PLA2G4C: variants seen among roughly 807,000 people sequenced by gnomAD.
PLA2G4C encodes the protein phospholipase A2 group IVC.
PLA2G4C carries 64 observed loss-of-function variants against 73.8 expected under a neutral mutation model. The ratio of observed to expected loss-of-function variants is 0.87; its 90% CI spans 0.71 to 1.07. The LOEUF is 1.07. PLA2G4C is among the 50% of genes least tolerant of loss of function. The pLI is 0.00. For synonymous variants in PLA2G4C, 254 were observed against 252.1 expected (o/e 1.01, Z -0.07); for missense variants, 622 against 665.4 (o/e 0.93, Z 0.72).
intron 10 of PLA2G4C, among the ~76,000 whole-genome samples, chr19:48,083,935 C>A (rs1262677251): frequency 1.3e-5 from 2 of 151,978 alleles, no homozygotes; most frequent in East Asian, 3.9e-4. Context: ...AGTCACGCAT[C>A]CTTTCCATGA....
intron 4 of PLA2G4C, 90 bp downstream of exon 4, chr19:48,104,498 T>C (rs2122132617): frequency 7.8e-7 from 1 of 1,288,614 alleles, no homozygotes; most frequent in Non-Finnish European, 1.1e-6. Flanking sequence ...GAAGCAGCGT[T>C]GGAAAAAACC....
chr19:48,072,905 C>A lies in PLA2G4C; in HGVS notation c.1006+1862G>T. On this transcript the variant is annotated intron_variant, in intron 12 of 16. Transcript: ENST00000599921. The surrounding 1 kb of genome is among the most constrained non-coding windows in gnomAD (Gnocchi z 4.4). ...AGAGGTTGGATGTCTGGGGGTGAGACTGGCTGTACCTGGGTCATCTCAGGA... is the reference window on the plus strand; with the variant it reads ...AGAGGTTGGATGTCTGGGGGTGAGAATGGCTGTACCTGGGTCATCTCAGGA... 1 of 152,354 alleles carries A rather than the reference C, an allele frequency of 6.6e-6. No individual in the cohort carries two copies. Among genetic ancestry groups the A allele is most frequent in the Non-Finnish European group, 1.5e-5 (1 of 68,078 alleles). The allele number at this position is 152,354 out of a possible 1,614,324, so 9.4% of individuals were successfully genotyped here.
chr19:48,078,240 A>T (rs914315503), intron 10 of PLA2G4C, among the ~76,000 whole-genome samples: 3 of 152,230 alleles, frequency 2.0e-5, no homozygotes, highest in African/African-American at 7.2e-5. Context: ...GCCATCTATG[A>T]CAAACCCACA....
At chr19:48,054,611 G>A (rs985919032) in intron 15 of PLA2G4C, among the ~76,000 whole-genome samples, 26 of 151,960 alleles carry the variant, frequency 1.7e-4, no homozygotes, top group Middle Eastern at 3.4e-3. Flanking sequence ...CACCGCGCCC[G>A]GCTGATCTGA....
chr19:48,052,658 C>T (rs758204956), intron 16 of PLA2G4C, among the ~76,000 whole-genome samples: 4 of 152,312 alleles, frequency 2.6e-5, no homozygotes, highest in Non-Finnish European at 5.9e-5. Context: ...CAAATTCTCC[C>T]TCACAGATCC....
At chr19:48,054,120 C>T (rs147705350) in intron 15 of PLA2G4C, among the ~76,000 whole-genome samples, 273 of 152,288 alleles carry the variant, frequency 1.8e-3, no homozygotes, top group African/African-American at 6.2e-3. Context: ...CCCCAGGGCA[C>T]AGCACAGCTC....
chr19:48,075,684 A>G (rs1392023681), intron 11 of PLA2G4C, among the ~76,000 whole-genome samples: 1 of 152,126 alleles, frequency 6.6e-6, no homozygotes, highest in East Asian at 1.9e-4. Flanking sequence ...CTTCTTTTAT[A>G]AGGGATTAAT....
chr19:48,068,811 A>G (rs1968548834), intron 12 of PLA2G4C, among the ~76,000 whole-genome samples: 1 of 151,756 alleles, frequency 6.6e-6, no homozygotes, highest in Admixed American at 6.6e-5. Context: ...CTGGGCTGAG[A>G]GGATGCGGTG....
chr19:48,103,767 T>C lies in PLA2G4C; in HGVS notation c.257+821A>G, dbSNP rs148141939. Among the ~76,000 whole-genome samples, 7 of 152,328 alleles carry C rather than the reference T, an allele frequency of 4.6e-5. No homozygotes were observed. The East Asian group carries it at 1.4e-3, about 29-fold the overall frequency. On this transcript the variant is annotated intron_variant, in intron 4 of 16. Transcript: ENST00000599921. Reference sequence around the variant, plus strand: ...GCAGTGTGAAAAGTGCACCTGAACATGTAAATCCTCCTTTAATGTCAGAAG... The same window carrying C: ...GCAGTGTGAAAAGTGCACCTGAACACGTAAATCCTCCTTTAATGTCAGAAG...
chr19:48,100,530 G>C (rs34588456), intron 4 of PLA2G4C, among the ~76,000 whole-genome samples: 1 of 150,424 alleles, frequency 6.6e-6, no homozygotes, highest in African/African-American at 2.5e-5. Flanking sequence ...GCTTGAACCC[G>C]GGAGGTGGAG....
intron 1 of PLA2G4C, among the ~76,000 whole-genome samples, chr19:48,110,175 A>G (rs1396952197): frequency 6.6e-6 from 1 of 150,500 alleles, no homozygotes; most frequent in Non-Finnish European, 1.5e-5. Context: ...GTGAAACCCC[A>G]TCTCTACTAA....
In PLA2G4C at chr19:48,067,819, C is replaced by T. The variant is rs778387934; in HGVS notation, c.1074G>A (p.Gly358=). The T allele has an allele frequency of 9.3e-6, 15 of 1,610,940 alleles. No homozygotes were observed. The highest frequency in any genetic ancestry group is 1.7e-5 in the Admixed American group (1 of 59,454). The part of the protein sequence containing the change: ...TGICASKWEW[G]TTHNFLYKHG... ...GTTTGTACAGGAAGTTGTGAGTGGT[C>T]CCCCATTCCCACTTTGAAGCGCAAA... The change falls in exon 13 of 17, where the codon GGG becomes GGA. Residue 358 remains glycine (G), a synonymous_variant. Coordinates refer to ENST00000599921, the MANE Select transcript of PLA2G4C (RefSeq NM_003706.3).
intron 14 of PLA2G4C, among the ~76,000 whole-genome samples, chr19:48,060,018 C>G (rs1968109444): frequency 6.6e-6 from 1 of 151,954 alleles, no homozygotes; most frequent in African/African-American, 2.4e-5. Context: ...ATCCACCCGC[C>G]TCGGCCTCCC....
At chr19:48,093,745 C>CA (rs1303437326) in intron 7 of PLA2G4C, among the ~76,000 whole-genome samples, 1 of 152,146 alleles carries the variant, frequency 6.6e-6, no homozygotes, top group Non-Finnish European at 1.5e-5. Flanking sequence ...TGTCCCCACC[C>CA]AAATCTCTCG....
chr19:48,050,383 C>T (rs780001832), intron 16 of PLA2G4C, among the ~76,000 whole-genome samples: 28 of 152,150 alleles, frequency 1.8e-4, no homozygotes, highest in Non-Finnish European at 3.5e-4. Context: ...GCTTTCTCTT[C>T]CCTCTACCTT....
chr19:48,057,385 C>A (rs1347052121), intron 14 of PLA2G4C, among the ~76,000 whole-genome samples: 1 of 148,104 alleles, frequency 6.8e-6, no homozygotes, highest in Non-Finnish European at 1.5e-5. Flanking sequence ...AAGGTGGCTT[C>A]TTTATTCAGA....
intron 7 of PLA2G4C, among the ~76,000 whole-genome samples, chr19:48,091,465 G>A (rs1330440054): frequency 6.6e-6 from 1 of 152,160 alleles, no homozygotes; most frequent in Non-Finnish European, 1.5e-5. Context: ...TGGGATTTCA[G>A]CTGTGAGTCA....
intron 16 of PLA2G4C, 83 bp downstream of exon 16, chr19:48,052,913 CT>C: frequency 1.4e-6 from 2 of 1,439,962 alleles, no homozygotes; most frequent in Non-Finnish European, 1.9e-6. Flanking sequence ...CCATGCAACC[CT>C]CCTGCCTGTT....
chr19:48,050,654 A>G (rs1465575), intron 16 of PLA2G4C, among the ~76,000 whole-genome samples: 107,548 of 143,430 alleles, frequency 0.75, 42,847 homozygotes, highest in Non-Finnish European at 0.87. Flanking sequence ...CCTAATCCCT[A>G]GAGCCTGTGA....
Sources: allele counts gnomAD v4.1 joint callset (sites outside exome capture counted in the v4.1 genomes callset), GRCh38; gene constraint gnomAD v4.1.1; non-coding constraint Gnocchi (gnomAD v3.1); transcripts MANE v1.5; gene names NCBI Gene and HGNC (gene_info 2026-07-23, HGNC 2026-07-21).